Variants in PIAS4 observed in about 807,000 individuals in gnomAD.
PIAS4 encodes E3 SUMO-protein ligase PIAS4.
PIAS4 carries 7 observed loss-of-function variants against 58.0 expected under a neutral mutation model. That is an observed-to-expected ratio of 0.12 (90% CI 0.07 to 0.23). PIAS4 has a LOEUF of 0.23. Ranked by LOEUF, PIAS4 falls within the 10% of genes least tolerant of loss-of-function variation. The pLI is 1.00. For missense variants in PIAS4, 550 were observed against 709.5 expected, an observed-to-expected ratio of 0.78 and a Z score of 2.55; for synonymous variants, 364 against 312.4, an observed-to-expected ratio of 1.17 and a Z score of -1.74.
rs1001768014 is a variant in PIAS4, at chr19:4,033,325, T to G, written c.982-95T>G. On this transcript the variant is annotated intron_variant, in intron 8 of 10. Coordinates refer to ENST00000262971, the MANE Select transcript of PIAS4 (RefSeq NM_015897.4). ...TCCGTGTTCCTGAGGCATGAGTGAT[T>G]GGAGCGAGCCACAGGATGGAGCTGG... is the stretch of plus-strand genomic sequence containing the variant. 3.0e-6 allele frequency: 4 copies of G among 1,352,926 alleles called. No homozygotes were observed. In the African/African-American group the frequency reaches 5.8e-5, roughly 20 times the overall value. 83.8% of individuals were successfully genotyped at this position (1,352,926 alleles called of 1,614,324 possible).
At chr19:4,034,370 G>T (rs1568221080) in intron 9 of PIAS4, among the ~76,000 whole-genome samples, 1 of 152,164 alleles carries the variant, frequency 6.6e-6, no homozygotes. Flanking sequence ...TCATCCCCAG[G>T]TGGACCTCCG....
intron 7 of PIAS4, among the ~76,000 whole-genome samples, chr19:4,031,091 C>T (rs1036649035): frequency 6.6e-6 from 1 of 152,096 alleles, no homozygotes; most frequent in Admixed American, 6.5e-5. Flanking sequence ...AGCTGCCCCT[C>T]CTAGCTGCCC....
chr19:4,027,351 C>G (rs949957626), intron 3 of PIAS4, among the ~76,000 whole-genome samples: 7 of 152,166 alleles, frequency 4.6e-5, no homozygotes, highest in Non-Finnish European at 1.0e-4. Context: ...GTGCTGAGGC[C>G]TGGGTCTGAG....
chr19:4,031,527 C>G (rs1219851165), intron 7 of PIAS4, among the ~76,000 whole-genome samples: 4 of 152,210 alleles, frequency 2.6e-5, no homozygotes, highest in African/African-American at 9.6e-5. Context: ...TCAAAGGGCC[C>G]TTTTTTCAAC....
At chr19:4,008,340 C>T (rs915496296) in intron 1 of PIAS4, among the ~76,000 whole-genome samples, 2 of 152,092 alleles carry the variant, frequency 1.3e-5, no homozygotes, top group Non-Finnish European at 2.9e-5. Flanking sequence ...CTGCCACCGT[C>T]CAGGTGGAGG....
intron 2 of PIAS4, among the ~76,000 whole-genome samples, chr19:4,017,372 G>C (rs1274840593): frequency 6.6e-6 from 1 of 152,168 alleles, no homozygotes; most frequent in African/African-American, 2.4e-5. Context: ...CTGCCCACTG[G>C]TCCCCCTCCC....
At chr19:4,023,274 T>A (rs185832688) in intron 2 of PIAS4, among the ~76,000 whole-genome samples, 1 of 151,262 alleles carries the variant, frequency 6.6e-6, no homozygotes, top group Non-Finnish European at 1.5e-5. Context: ...AGGTCACGAG[T>A]TCGAAACCAG....
intron 7 of PIAS4, 73 bp from the exon 8 acceptor site, chr19:4,033,027 G>C (rs1379714719): frequency 6.6e-6 from 8 of 1,215,906 alleles, no homozygotes; most frequent in African/African-American, 1.5e-5. Flanking sequence ...CAGTGCCGGA[G>C]AGAACTCGAA....
intron 8 of PIAS4, 102 bp from the exon 9 acceptor site, chr19:4,033,318 G>A (rs1379027207): frequency 7.5e-7 from 1 of 1,327,700 alleles, no homozygotes; most frequent in East Asian, 2.5e-5. Context: ...CCTGAGGCAT[G>A]AGTGATTGGA....
intron 2 of PIAS4, among the ~76,000 whole-genome samples, chr19:4,020,528 T>TA (rs2040098929): frequency 6.6e-6 from 1 of 152,262 alleles, no homozygotes; most frequent in African/African-American, 2.4e-5. Flanking sequence ...TTTTTACACT[T>TA]ATAAACAAAT....
At chr19:4,023,099 G>T (rs908247311) in intron 2 of PIAS4, among the ~76,000 whole-genome samples, 1 of 151,218 alleles carries the variant, frequency 6.6e-6, no homozygotes. Context: ...TTGAACCCAG[G>T]AGGTGGAGGT....
chr19:4,027,792 C>T (rs919756205), intron 3 of PIAS4, among the ~76,000 whole-genome samples: 7 of 152,050 alleles, frequency 4.6e-5, no homozygotes, highest in African/African-American at 9.7e-5. Context: ...TCAAGAGCTC[C>T]GCCAGCCTTG....
chr19:4,037,262 C>T lies in PIAS4; in HGVS notation c.1143-112C>T. The stretch of plus-strand genomic sequence containing the variant: ...CTGCGGTCGGGGTGGTGAGGCTGCT[C>T]TTGCAGAGAGAAGTGGGGAGTGCCT... On this transcript the variant is annotated intron_variant, in intron 9 of 10. Transcript: ENST00000262971. The surrounding 1 kb of genome is among the most constrained non-coding windows in gnomAD (Gnocchi z 5.8). The T allele has an allele frequency of 2.2e-6, 3 of 1,368,708 alleles. No homozygotes were observed. Among genetic ancestry groups the T allele is most frequent in the Non-Finnish European group, 2.9e-6 (3 of 1,024,150 alleles). 84.8% of individuals were successfully genotyped at this position (1,368,708 alleles called of 1,614,324 possible).
At chr19:4,024,189 G>A in intron 3 of PIAS4, 69 bp downstream of exon 3, 1 of 1,208,414 alleles carries the variant, frequency 8.3e-7, no homozygotes, top group East Asian at 2.3e-5. Flanking sequence ...GCTCACTGGG[G>A]AGAGCCGGCA....
At chr19:4,024,688 C>T (rs910366569) in intron 3 of PIAS4, among the ~76,000 whole-genome samples, 6 of 151,704 alleles carry the variant, frequency 4.0e-5, no homozygotes, top group Non-Finnish European at 8.8e-5. Context: ...TGGGGGTCCC[C>T]GGTTTACACC....
intron 9 of PIAS4, among the ~76,000 whole-genome samples, chr19:4,035,749 C>T (rs200419073): frequency 7.2e-6 from 1 of 138,662 alleles, no homozygotes; most frequent in South Asian, 2.3e-4. Flanking sequence ...ACAGTCCACA[C>T]CATCACACAC....
intron 2 of PIAS4, among the ~76,000 whole-genome samples, chr19:4,016,588 G>T (rs1408251042): frequency 6.6e-6 from 1 of 152,254 alleles, no homozygotes; most frequent in African/African-American, 2.4e-5. Context: ...TTCAGGGGCA[G>T]CTGTCAGTAG....
rs369910276 is a variant in PIAS4 at position 4,024,127 on chromosome 19, G to A, written c.539+7G>A. 1.1e-4 allele frequency: 174 copies of A among 1,605,552 alleles called. No individual in the cohort carries two copies. The highest frequency in any genetic ancestry group is 3.3e-4 in the Middle Eastern group (2 of 6,066). Reference sequence around the variant, plus strand: ...AGTTGATCCGGAACTCCAGGTGTGCGGCACCTCCCCCAGCCCAGCACCCCA... The same window carrying A: ...AGTTGATCCGGAACTCCAGGTGTGCAGCACCTCCCCCAGCCCAGCACCCCA... On this transcript the variant is annotated splice_region_variant and intron_variant, in intron 3 of 10. Coordinates refer to ENST00000262971, the MANE Select transcript of PIAS4 (RefSeq NM_015897.4).
At chr19:4,026,827 C>T (rs867468614) in intron 3 of PIAS4, among the ~76,000 whole-genome samples, 8 of 151,988 alleles carry the variant, frequency 5.3e-5, no homozygotes, top group South Asian at 2.1e-4. Flanking sequence ...GGATTACAGG[C>T]GTGCACCACC....
Sources: allele counts gnomAD v4.1 joint callset (sites outside exome capture counted in the v4.1 genomes callset), GRCh38; gene constraint gnomAD v4.1.1; non-coding constraint Gnocchi (gnomAD v3.1); transcripts MANE v1.5; gene names NCBI Gene and HGNC (gene_info 2026-07-23, HGNC 2026-07-21).